The following PALM2AKAP2 variants were observed in gnomAD, a reference collection of about 807,000 sequenced individuals.
PALM2AKAP2 encodes the protein PALM2-AKAP2 fusion protein.
In PALM2AKAP2, 37 loss-of-function variants were observed where a neutral mutation model predicts 71.5. That is an observed-to-expected ratio of 0.52 (90% CI 0.40 to 0.68). The LOEUF is 0.68. Among genes scored for constraint, PALM2AKAP2 ranks in the 30% least tolerant of loss-of-function variants. PALM2AKAP2 has a pLI of 0.00. For missense variants in PALM2AKAP2, 1,224 were observed against 1,191.8 expected (o/e 1.03, Z -0.40); for synonymous variants, 468 against 478.8 (o/e 0.98, Z 0.29).
chr9:109,780,947 T>C (rs1020924785), intron 1 of PALM2AKAP2, among the ~76,000 whole-genome samples: 4 of 152,208 alleles, frequency 2.6e-5, no homozygotes, highest in Admixed American at 1.3e-4. Flanking sequence ...TCCTGTTAAG[T>C]GGAAAACCAG....
At chr9:109,721,155 T>C (rs995251460) in intron 1 of PALM2AKAP2, among the ~76,000 whole-genome samples, 2 of 152,214 alleles carry the variant, frequency 1.3e-5, no homozygotes, top group Non-Finnish European at 2.9e-5. Flanking sequence ...TACAGGATTC[T>C]AGCCAAAGTG....
chr9:109,754,817 C>T (rs1828934662), intron 1 of PALM2AKAP2, among the ~76,000 whole-genome samples: 1 of 152,102 alleles, frequency 6.6e-6, no homozygotes, highest in Non-Finnish European at 1.5e-5. Context: ...TCCCCGAAGG[C>T]CTCAACTCCA....
At chr9:109,763,795 A>G (rs1227662287) in intron 1 of PALM2AKAP2, among the ~76,000 whole-genome samples, 1 of 152,080 alleles carries the variant, frequency 6.6e-6, no homozygotes, top group Non-Finnish European at 1.5e-5. Flanking sequence ...AAGTAGGTGG[A>G]GGTCCTTGGC....
At position 109,828,820 on chromosome 9, in the gene PALM2AKAP2, C is replaced by T. The variant is rs191123627; in HGVS notation, c.46-38671C>T. Among the ~76,000 whole-genome samples, 97 of 152,292 alleles carry T rather than the reference C, an allele frequency of 6.4e-4. 1 individual carries two copies. The highest frequency in any genetic ancestry group is 7.7e-4 in the East Asian group (4 of 5,184). The stretch of plus-strand genomic sequence containing the variant: ...AGGAAAGAATAGAATAATATCAGCA[C>T]GTGGATCTCATAATGAAAGGGGAGT... On this transcript the variant is annotated intron_variant, in intron 1 of 9. Coordinates refer to the PALM2AKAP2 transcript ENST00000302798.
chr9:110,093,457 A>G (rs115545365), intron 1 of PALM2AKAP2, among the ~76,000 whole-genome samples: 2,579 of 152,242 alleles, frequency 0.017, 54 homozygotes, highest in African/African-American at 0.059. Flanking sequence ...AAAAGAAGAT[A>G]CCAGAGATTG....
intron 1 of PALM2AKAP2, chr9:110,048,880 A>T (rs1246634872): frequency 3.2e-5 from 48 of 1,516,584 alleles, no homozygotes; most frequent in Non-Finnish European, 4.0e-5. Flanking sequence ...TGGGGAGGGG[A>T]GGGGCTGGAG....
intron 1 of PALM2AKAP2, among the ~76,000 whole-genome samples, chr9:110,107,320 A>G (rs1049994638): frequency 3.9e-5 from 6 of 152,196 alleles, no homozygotes; most frequent in African/African-American, 1.4e-4. Flanking sequence ...ATCAGTATGC[A>G]TTGTATGTAC....
At chr9:109,660,541 G>A (rs1827376956) in intron 1 of PALM2AKAP2, among the ~76,000 whole-genome samples, 1 of 151,144 alleles carries the variant, frequency 6.6e-6, no homozygotes, top group Non-Finnish European at 1.5e-5. Flanking sequence ...CTTTTTTATG[G>A]CTGCATAGTA....
Position 109,921,354 on chromosome 9 carries a change from C to T in PALM2AKAP2, c.258-2381C>T, listed in dbSNP as rs141730624. Among the ~76,000 whole-genome samples, 9 of 152,218 alleles carry T rather than the reference C, an allele frequency of 5.9e-5. No homozygotes were observed. In the East Asian group the frequency reaches 7.7e-4, roughly 13 times the overall value. On this transcript the variant is annotated intron_variant, in intron 3 of 9. Coordinates refer to the PALM2AKAP2 transcript ENST00000302798. ...AAATTCTTTGCTGTAGGGTGCCATC[C>T]GGTGCACTGTGGGATGTTTACCAGC...
chr9:110,088,727 T>G (rs10465104), intron 1 of PALM2AKAP2, among the ~76,000 whole-genome samples: 26,315 of 136,074 alleles, frequency 0.19, 4,027 homozygotes, highest in African/African-American at 0.37. Context: ...TTTTTTTTTT[T>G]TTTTTTTTCT....
intron 1 of PALM2AKAP2, among the ~76,000 whole-genome samples, chr9:110,083,751 A>G (rs1208375109): frequency 6.6e-6 from 1 of 152,264 alleles, no homozygotes; most frequent in Non-Finnish European, 1.5e-5. Flanking sequence ...CAACACTGGC[A>G]GCTAGAAGAC....
chr9:109,849,855 A>T (rs1202641965), intron 1 of PALM2AKAP2, among the ~76,000 whole-genome samples: 3 of 152,166 alleles, frequency 2.0e-5, no homozygotes, highest in Non-Finnish European at 4.4e-5. Flanking sequence ...GTGGTTTCTC[A>T]TTCTTGCGCT....
intron 1 of PALM2AKAP2, among the ~76,000 whole-genome samples, chr9:110,123,623 T>C (rs1835535991): frequency 6.6e-6 from 1 of 152,132 alleles, no homozygotes; most frequent in African/African-American, 2.4e-5. Context: ...TTTGTGTGTG[T>C]AGTGGACTCT....
intron 3 of PALM2AKAP2, among the ~76,000 whole-genome samples, chr9:109,887,209 A>T (rs1829984977): frequency 6.6e-6 from 1 of 152,260 alleles, no homozygotes; most frequent in African/African-American, 2.4e-5. Context: ...AGAAGATGAC[A>T]GTTACTTACA....
At chr9:109,667,519 G>A (rs950917822) in intron 1 of PALM2AKAP2, among the ~76,000 whole-genome samples, 1 of 152,248 alleles carries the variant, frequency 6.6e-6, no homozygotes, top group Admixed American at 6.5e-5. Context: ...GCTGGGCGTG[G>A]TGGCTCACGC....
At chr9:110,150,620 G>A (rs145865772) in intron 2 of PALM2AKAP2, among the ~76,000 whole-genome samples, 12 of 152,274 alleles carry the variant, frequency 7.9e-5, no homozygotes, top group Non-Finnish European at 1.3e-4. Flanking sequence ...CTAAAGCAAC[G>A]TATTACAGGT....
At chr9:110,102,489 G>C (rs1378974159) in intron 1 of PALM2AKAP2, among the ~76,000 whole-genome samples, 1 of 152,032 alleles carries the variant, frequency 6.6e-6, no homozygotes, top group Non-Finnish European at 1.5e-5. Context: ...ATTAAGCCAA[G>C]AAAAAAAGAT....
exon 2 of PALM2AKAP2, chr9:110,137,009 C>T (rs1368302503): frequency 1.9e-6 from 3 of 1,614,144 alleles, no homozygotes; most frequent in South Asian, 2.2e-5. Flanking sequence ...GGACGAGGAA[C>T]ATCTGGAGTC....
intron 1 of PALM2AKAP2, among the ~76,000 whole-genome samples, chr9:109,652,908 A>G (rs1827245965): frequency 6.6e-6 from 1 of 152,202 alleles, no homozygotes; most frequent in Admixed American, 6.5e-5. Flanking sequence ...GCCTAAATGA[A>G]TTTTAGGAGT....
Sources: gnomAD v4.1 joint callset for allele counts (sites outside exome capture counted in the v4.1 genomes callset) on GRCh38, gnomAD v4.1.1 for gene constraint, MANE v1.5 for transcripts, NCBI Gene and HGNC (gene_info 2026-07-23, HGNC 2026-07-21) for gene names.